SEMA6D: variants seen among roughly 807,000 people sequenced by gnomAD.
SEMA6D encodes the protein semaphorin-6D.
SEMA6D carries 35 observed loss-of-function variants against 106.6 expected under a neutral mutation model. The observed-to-expected ratio is 0.33, with a 90% CI of 0.25 to 0.44. The LOEUF (loss-of-function observed/expected upper bound fraction) is 0.44, where lower values mean the gene tolerates loss of function less well. SEMA6D is among the 20% of genes least tolerant of loss of function. SEMA6D has a pLI of 1.00. For missense variants in SEMA6D, 1,185 were observed against 1,345.9 expected, an observed-to-expected ratio of 0.88 and a Z score of 1.87; for synonymous variants, 499 against 487.7, an observed-to-expected ratio of 1.02 and a Z score of -0.31.
At chr15:47,586,774 C>G (rs2076347414) in intron 3 of SEMA6D, among the ~76,000 whole-genome samples, 1 of 151,994 alleles carries the variant, frequency 6.6e-6, no homozygotes, top group Admixed American at 6.6e-5. Flanking sequence ...CAAGTTCCAC[C>G]CCCCACCCCA....
chr15:47,417,579 G>C (rs2041015228), intron 2 of SEMA6D, among the ~76,000 whole-genome samples: 1 of 151,876 alleles, frequency 6.6e-6, no homozygotes, highest in Non-Finnish European at 1.5e-5. Context: ...ATTAAAAATA[G>C]TAATTTTAGA....
chr15:47,659,624 T>C (rs1391196035), intron 4 of SEMA6D, among the ~76,000 whole-genome samples: 2 of 152,060 alleles, frequency 1.3e-5, no homozygotes, highest in South Asian at 2.1e-4. Flanking sequence ...AGTTTTCATG[T>C]GTCAAAAATA....
At chr15:47,357,072 C>T (rs993273822) in intron 1 of SEMA6D, among the ~76,000 whole-genome samples, 1 of 152,074 alleles carries the variant, frequency 6.6e-6, no homozygotes, top group Non-Finnish European at 1.5e-5. Flanking sequence ...CGGTGGCTCT[C>T]GTCTGTAATC....
chr15:47,705,998 T>C (rs2078906574), intron 4 of SEMA6D, among the ~76,000 whole-genome samples: 1 of 152,118 alleles, frequency 6.6e-6, no homozygotes, highest in Non-Finnish European at 1.5e-5. Flanking sequence ...GAAAGACTGT[T>C]TGGGCAAAGG....
chr15:47,463,167 T>C (rs1375717146), intron 2 of SEMA6D, among the ~76,000 whole-genome samples: 1 of 152,158 alleles, frequency 6.6e-6, no homozygotes, highest in Non-Finnish European at 1.5e-5. Flanking sequence ...GTTTTTCATT[T>C]TGGTGCAATA....
chr15:47,494,255 G>A (rs138607483), intron 3 of SEMA6D, among the ~76,000 whole-genome samples: 30 of 152,226 alleles, frequency 2.0e-4, no homozygotes, highest in Admixed American at 1.0e-3. Context: ...CAACGGTGCA[G>A]TTTTGATGGC....
Position 47,648,522 on chromosome 15 carries a change from C to T in SEMA6D, c.-55+47626C>T, listed in dbSNP as rs1033576521. On this transcript the variant is annotated intron_variant, in intron 4 of 19. Coordinates refer to the SEMA6D transcript ENST00000558014. Reference sequence around the variant, plus strand: ...AATGAATGAAAATTTGTAAAGTAGACGGTAATCATACAAATGCACTTAGGG... The same window carrying T: ...AATGAATGAAAATTTGTAAAGTAGATGGTAATCATACAAATGCACTTAGGG... Among the ~76,000 whole-genome samples, 3 of 141,906 alleles carry T rather than the reference C, an allele frequency of 2.1e-5. No individual in the cohort carries two copies. In the South Asian group the frequency reaches 6.4e-4, roughly 30 times the overall value. 93.1% of individuals were successfully genotyped at this position (141,906 alleles called of 152,430 possible).
chr15:47,552,523 T>TAC (rs1491395541), intron 3 of SEMA6D, among the ~76,000 whole-genome samples: 1 of 46,448 alleles, frequency 2.2e-5, no homozygotes, highest in Non-Finnish European at 6.8e-5. Context: ...TATATATATG[T>TAC]ATACACACAC....
At chr15:47,610,423 T>A (rs1451600057) in intron 4 of SEMA6D, among the ~76,000 whole-genome samples, 1 of 152,174 alleles carries the variant, frequency 6.6e-6, no homozygotes, top group Admixed American at 6.5e-5. Context: ...TAACCACATC[T>A]CCTCATCCTC....
chr15:47,479,592 C>T (rs1367541039), intron 3 of SEMA6D, among the ~76,000 whole-genome samples: 2 of 152,106 alleles, frequency 1.3e-5, no homozygotes, highest in African/African-American at 2.4e-5. Flanking sequence ...TGTATTATGT[C>T]TATGTAAAGT....
At chr15:47,515,056 C>T (rs1158919537) in intron 3 of SEMA6D, among the ~76,000 whole-genome samples, 1 of 152,202 alleles carries the variant, frequency 6.6e-6, no homozygotes, top group African/African-American at 2.4e-5. Context: ...CGCCTGGCAG[C>T]GTTCACATTG....
At chr15:47,696,148 A>G (rs2078694721) in intron 4 of SEMA6D, among the ~76,000 whole-genome samples, 1 of 151,932 alleles carries the variant, frequency 6.6e-6, no homozygotes, top group South Asian at 2.1e-4. Flanking sequence ...GGTGATCTGA[A>G]CTCCACTTTT....
At chr15:47,265,107 A>C (rs2034257370) in intron 1 of SEMA6D, among the ~76,000 whole-genome samples, 1 of 152,018 alleles carries the variant, frequency 6.6e-6, no homozygotes, top group African/African-American at 2.4e-5. Flanking sequence ...ATTTGGTATC[A>C]GAGTGACACA....
chr15:47,712,606 G>A (rs1285014378), upstream of SEMA6D, among the ~76,000 whole-genome samples: 1 of 152,154 alleles, frequency 6.6e-6, no homozygotes, highest in African/African-American at 2.4e-5. Flanking sequence ...ATAATATTAG[G>A]TGGGGAGGTT....
At chr15:47,673,987 C>T (rs948899613) in intron 4 of SEMA6D, among the ~76,000 whole-genome samples, 1 of 152,138 alleles carries the variant, frequency 6.6e-6, no homozygotes, top group Non-Finnish European at 1.5e-5. Context: ...CTGATTCAAT[C>T]TTTGCATCCA....
chr15:47,281,132 A>G (rs1312183370), intron 1 of SEMA6D, among the ~76,000 whole-genome samples: 2 of 104,938 alleles, frequency 1.9e-5, no homozygotes, highest in South Asian at 4.2e-4. Context: ...GTGGGGTGTT[A>G]AAGTCTCCCA....
In SEMA6D at chr15:47,251,764, G is replaced by C. The variant is rs978229710; in HGVS notation, c.-239+67346G>C. Among the ~76,000 whole-genome samples, 6 of 151,912 alleles carry C rather than the reference G, an allele frequency of 3.9e-5. No homozygotes were observed. The South Asian group carries it at 1.2e-3, about 31-fold the overall frequency. Reference sequence around the variant, plus strand: ...TTATAGCTATTCTGATAGGTAGGTAGTTATATTTTATTTTGGTTTAAATTT... The same window carrying C: ...TTATAGCTATTCTGATAGGTAGGTACTTATATTTTATTTTGGTTTAAATTT... On this transcript the variant is annotated intron_variant, in intron 1 of 19. Transcript: ENST00000558014.
At chr15:47,598,532 A>G (rs2076580359) in intron 3 of SEMA6D, among the ~76,000 whole-genome samples, 2 of 152,174 alleles carry the variant, frequency 1.3e-5, no homozygotes, top group African/African-American at 2.4e-5. Context: ...GATGGTTAAA[A>G]TAGCCCATTA....
In SEMA6D at chr15:47,331,782, G is replaced by C. The variant is rs140746910; in HGVS notation, c.-238-80611G>C. On this transcript the variant is annotated intron_variant, in intron 1 of 19. Transcript: ENST00000558014. The stretch of plus-strand genomic sequence containing the variant: ...TAAATATAAACAGAAGCCAAAAATA[G>C]ATCTGTGGTAAACATTTCTGTCCCT... Among the ~76,000 whole-genome samples, 112 of 152,274 alleles carry C rather than the reference G, an allele frequency of 7.4e-4. 2 individuals are homozygous for C. The East Asian group carries it at 0.021, about 28-fold the overall frequency.
Sources: allele counts gnomAD v4.1 joint callset (sites outside exome capture counted in the v4.1 genomes callset), GRCh38; gene constraint gnomAD v4.1.1; transcripts MANE v1.5; gene names NCBI Gene and HGNC (gene_info 2026-07-23, HGNC 2026-07-21).